The following DISC1 variants were observed in gnomAD, a reference collection of about 807,000 sequenced individuals.
DISC1 encodes the protein DISC1 scaffold protein, also known as disrupted in schizophrenia 1 protein.
A neutral mutation model predicts 84.5 loss-of-function variants in DISC1; 57 were observed. The observed-to-expected ratio is 0.67, with a 90% confidence interval of 0.55 to 0.84. The LOEUF (loss-of-function observed/expected upper bound fraction) is 0.84. Among genes scored for constraint, DISC1 ranks in the 40% least tolerant of loss-of-function variants. DISC1 has a pLI of 0.00. For synonymous variants in DISC1, 411 were observed against 415.2 expected (o/e 0.99, Z 0.12); for missense variants, 1,000 against 1,057.8 (o/e 0.95, Z 0.76).
chr1:232,009,457 T>A lies in DISC1; in HGVS notation c.2307+408T>A, dbSNP rs1572621642. ...TATGTATTGTATGTCATATATGATGTTTATATATTTAGAATCTATATATTA... is the reference window on the plus strand; with the variant it reads ...TATGTATTGTATGTCATATATGATGATTATATATTTAGAATCTATATATTA... On this transcript the variant is annotated intron_variant, in intron 11 of 12. Coordinates refer to ENST00000439617, the MANE Select transcript of DISC1 (RefSeq NM_018662.3). This position sits in a 1 kb window ranked among gnomAD's most constrained non-coding sequence, Gnocchi z 4.6. 1.7e-6 allele frequency: 1 copy of A among 577,908 alleles called. No homozygotes were observed. Among genetic ancestry groups the A allele is most frequent in the Non-Finnish European group, 2.2e-6 (1 of 460,208 alleles). The allele number at this position is 577,908 out of a possible 1,614,324, so 35.8% of individuals were successfully genotyped here.
intron 1 of DISC1, among the ~76,000 whole-genome samples, chr1:231,685,660 C>A (rs1022352839): frequency 4.6e-5 from 7 of 152,072 alleles, no homozygotes; most frequent in African/African-American, 7.2e-5. Flanking sequence ...ACCATATTGG[C>A]CAGGCTGGTC....
chr1:231,935,319 G>A (rs1160538630), intron 9 of DISC1, among the ~76,000 whole-genome samples: 1 of 152,140 alleles, frequency 6.6e-6, no homozygotes, highest in African/African-American at 2.4e-5. Flanking sequence ...ACAAAAGATT[G>A]GGTGTTGGGG....
intron 9 of DISC1, among the ~76,000 whole-genome samples, chr1:231,905,657 G>C (rs2088573649): frequency 6.6e-6 from 1 of 151,962 alleles, no homozygotes; most frequent in Non-Finnish European, 1.5e-5. Context: ...CTAAAGAACT[G>C]TTCCCAACTC....
At chr1:231,664,065 T>TCCAC (rs2061795682) in intron 1 of DISC1, among the ~76,000 whole-genome samples, 3 of 151,768 alleles carry the variant, frequency 2.0e-5, no homozygotes, top group Admixed American at 2.0e-4. Context: ...CATCCATCCA[T>TCCAC]CCATCCATCC....
chr1:231,879,354 A>C (rs2086125306), intron 9 of DISC1, among the ~76,000 whole-genome samples: 1 of 151,868 alleles, frequency 6.6e-6, no homozygotes, highest in Non-Finnish European at 1.5e-5. Flanking sequence ...AGGTATACAT[A>C]TGTTCAGCAC....
chr1:231,688,059 A>G (rs1201755704), intron 1 of DISC1, among the ~76,000 whole-genome samples: 1 of 152,230 alleles, frequency 6.6e-6, no homozygotes, highest in Non-Finnish European at 1.5e-5. Flanking sequence ...CTAAAATGTC[A>G]GAAATGGTCA....
intron 1 of DISC1, among the ~76,000 whole-genome samples, chr1:231,679,135 G>C (rs1016878493): frequency 6.6e-6 from 1 of 152,224 alleles, no homozygotes; most frequent in Admixed American, 6.5e-5. Flanking sequence ...TGCCTGTTGG[G>C]GGATTCCCCA....
At chr1:231,867,849 A>G (rs1463833179) in intron 9 of DISC1, among the ~76,000 whole-genome samples, 1 of 152,252 alleles carries the variant, frequency 6.6e-6, no homozygotes, top group Non-Finnish European at 1.5e-5. Flanking sequence ...CAGTCTTTTT[A>G]ATCCACCAAG....
rs188448232 is a variant in DISC1 at position 231,744,578 on chromosome 1, A to G, written c.1118-5348A>G. On this transcript the variant is annotated intron_variant, in intron 3 of 12. Coordinates refer to ENST00000439617, the MANE Select transcript of DISC1 (RefSeq NM_018662.3). Reference sequence around the variant, plus strand: ...TGCCAGAAAGCATAGTTTTTTTTCCATAAGAAACAAAGGTGGAATATATGT... The same window carrying G: ...TGCCAGAAAGCATAGTTTTTTTTCCGTAAGAAACAAAGGTGGAATATATGT... 3.8e-3 allele frequency among the ~76,000 whole-genome samples: 571 copies of G among 152,198 alleles called. 3 individuals carry two copies. The highest frequency in any genetic ancestry group is 6.8e-3 in the Middle Eastern group (2 of 294).
chr1:231,880,447 T>C (rs1243854927), intron 9 of DISC1, among the ~76,000 whole-genome samples: 4 of 152,232 alleles, frequency 2.6e-5, no homozygotes, highest in Admixed American at 2.6e-4. Flanking sequence ...TTTCTTAGTT[T>C]GAGAGCAGTT....
chr1:231,640,324 TGG>T (rs2059530929), intron 1 of DISC1, among the ~76,000 whole-genome samples: 2 of 152,156 alleles, frequency 1.3e-5, no homozygotes, highest in Non-Finnish European at 2.9e-5. Flanking sequence ...CGCTGCATAA[TGG>T]AAGAACAGAT....
At chr1:231,941,504 T>C (rs1483432842) in intron 9 of DISC1, among the ~76,000 whole-genome samples, 1 of 151,360 alleles carries the variant, frequency 6.6e-6, no homozygotes, top group Non-Finnish European at 1.5e-5. Flanking sequence ...GATGGAGTCT[T>C]GCTCTGTCAC....
intron 10 of DISC1, among the ~76,000 whole-genome samples, chr1:232,005,664 A>G (rs1394498716): frequency 2.0e-5 from 3 of 152,040 alleles, no homozygotes; most frequent in Non-Finnish European, 1.5e-5. Flanking sequence ...TTCCGATCTC[A>G]TCATTTATGG....
chr1:232,005,295 T>G (rs549219181), intron 10 of DISC1, among the ~76,000 whole-genome samples: 1 of 152,190 alleles, frequency 6.6e-6, no homozygotes, highest in South Asian at 2.1e-4. Flanking sequence ...CTAGCCTATT[T>G]TACTTTTATT....
At chr1:231,903,850 C>G (rs1350882684) in intron 9 of DISC1, among the ~76,000 whole-genome samples, 1 of 152,172 alleles carries the variant, frequency 6.6e-6, no homozygotes, top group South Asian at 2.1e-4. Flanking sequence ...GATGGGAAAC[C>G]ATTTCAGAGT....
chr1:231,739,809 A>G (rs1438080180), intron 3 of DISC1, among the ~76,000 whole-genome samples: 1 of 152,244 alleles, frequency 6.6e-6, no homozygotes, highest in Non-Finnish European at 1.5e-5. Flanking sequence ...TCCCAGAGGA[A>G]CCATTTCCAC....
At chr1:232,002,766 G>C (rs78598047) in intron 10 of DISC1, among the ~76,000 whole-genome samples, 1,549 of 152,204 alleles carry the variant, frequency 0.01, 30 homozygotes, top group African/African-American at 0.035. Flanking sequence ...GGCATGGGAC[G>C]TAGGCAGGTG....
At chr1:231,979,294 C>A (rs549999855) in intron 10 of DISC1, among the ~76,000 whole-genome samples, 1 of 151,704 alleles carries the variant, frequency 6.6e-6, no homozygotes, top group African/African-American at 2.4e-5. Flanking sequence ...AAATGTAATG[C>A]GTTTGAATCA....
At chr1:231,830,891 G>T (rs924793924) in intron 9 of DISC1, among the ~76,000 whole-genome samples, 4 of 152,170 alleles carry the variant, frequency 2.6e-5, no homozygotes, top group Non-Finnish European at 5.9e-5. Flanking sequence ...TCCTGAAGAC[G>T]GAGGACCGTA....
Sources: allele counts gnomAD v4.1 joint callset (sites outside exome capture counted in the v4.1 genomes callset), GRCh38; gene constraint gnomAD v4.1.1; non-coding constraint Gnocchi (gnomAD v3.1); transcripts MANE v1.5; gene names NCBI Gene and HGNC (gene_info 2026-07-23, HGNC 2026-07-21).